SWT1: variants seen among roughly 807,000 people sequenced by gnomAD.
The protein encoded by SWT1 is transcriptional protein SWT1.
SWT1 carries 33 observed loss-of-function variants against 107.3 expected under a neutral mutation model. The observed-to-expected ratio is 0.31, with a 90% CI of 0.23 to 0.41. The LOEUF (loss-of-function observed/expected upper bound fraction) is 0.41, where lower values mean the gene tolerates loss of function less well. Ranked by LOEUF, SWT1 falls within the 10% of genes least tolerant of loss-of-function variation. The probability of loss-of-function intolerance (pLI) is 1.00; values close to 1 mark genes in which losing one functional copy is unlikely to be tolerated. For synonymous variants in SWT1, 345 were observed against 348.3 expected, an observed-to-expected ratio of 0.99 and a Z score of 0.11; for missense variants, 898 against 1,028.9, an observed-to-expected ratio of 0.87 and a Z score of 1.74.
intron 5 of SWT1, among the ~76,000 whole-genome samples, chr1:185,179,399 T>C (rs180805451): frequency 6.6e-6 from 1 of 152,376 alleles, no homozygotes; most frequent in East Asian, 1.9e-4. Flanking sequence ...GAGCTTCCTG[T>C]CACCTGTATG....
intron 18 of SWT1, among the ~76,000 whole-genome samples, chr1:185,290,082 G>A (rs552842344): frequency 1.8e-4 from 28 of 151,980 alleles, no homozygotes; most frequent in African/African-American, 6.5e-4. Context: ...GGGCAACATA[G>A]TGAGACCCTG....
intron 7 of SWT1, among the ~76,000 whole-genome samples, chr1:185,182,989 T>G (rs1185826385): frequency 6.6e-6 from 1 of 151,688 alleles, no homozygotes; most frequent in Admixed American, 6.6e-5. Context: ...TACGAAAAAT[T>G]AGCTGGGCAT....
chr1:185,263,910 C>T (rs1188152904), intron 16 of SWT1: 3 of 152,230 alleles, frequency 2.0e-5, no homozygotes, highest in Non-Finnish European at 4.4e-5. Context: ...GAGATAAGGG[C>T]TTCAACATAT....
chr1:185,157,674 CTT>C (rs917229629), intron 1 of SWT1: 1 of 152,482 alleles, frequency 6.6e-6, no homozygotes, highest in African/African-American at 2.4e-5. Context: ...CCCGAACACT[CTT>C]TTCCTTTGTT....
At chr1:185,245,729 C>T (rs1661558934) in intron 16 of SWT1, among the ~76,000 whole-genome samples, 1 of 151,702 alleles carries the variant, frequency 6.6e-6, no homozygotes, top group Admixed American at 6.6e-5. Context: ...TTTTTCGGCT[C>T]TAGTATAATT....
intron 18 of SWT1, among the ~76,000 whole-genome samples, chr1:185,280,109 GA>G (rs1338974630): frequency 1.3e-5 from 2 of 152,144 alleles, no homozygotes; most frequent in Admixed American, 1.3e-4. Flanking sequence ...GAAGGTAATT[GA>G]ATCATGAGAG....
At chr1:185,260,320 TG>T (rs751774045) in intron 16 of SWT1, among the ~76,000 whole-genome samples, 2 of 152,170 alleles carry the variant, frequency 1.3e-5, no homozygotes, top group Admixed American at 6.5e-5. Context: ...AGAGTACTCA[TG>T]CTTTTCTTTT....
intron 18 of SWT1, among the ~76,000 whole-genome samples, chr1:185,287,929 T>C (rs12135769): frequency 0.53 from 81,265 of 151,912 alleles, 23,141 homozygotes; most frequent in African/African-American, 0.75. Flanking sequence ...ATAGAGCTCA[T>C]TTCTTAATTA....
intron 13 of SWT1, among the ~76,000 whole-genome samples, chr1:185,208,146 T>C (rs906398035): frequency 2.0e-5 from 3 of 152,202 alleles, no homozygotes; most frequent in Non-Finnish European, 4.4e-5. Flanking sequence ...AGATGATTAA[T>C]CATGAATCAT....
rs1418339358 is a variant in SWT1 at position 185,174,907 on chromosome 1, A to G, written c.760A>G (p.Asn254Asp). The change falls in exon 5 of 19, where the codon AAC (asparagine) becomes GAC (aspartate). Residue 254 changes from asparagine (N) to aspartate (D), a missense_variant. This residue lies in a region of SWT1 where 382 missense variants were observed against 362.4 expected (regional missense o/e 1.05). Coordinates refer to ENST00000367500, the MANE Select transcript of SWT1 (RefSeq NM_017673.7). ...LQKLVEENVF[N>D]IDSNNSKTKQ... ...GAAACTTGTAGAAGAAAATGTCTTC[A>G]ACATAGATTCTAATAATTCGAAGAC... The G allele has an allele frequency of 1.2e-6, 2 of 1,614,024 alleles. No individual in the cohort carries two copies. The highest frequency in any genetic ancestry group is 2.2e-5 in the South Asian group (2 of 91,074).
intron 16 of SWT1, among the ~76,000 whole-genome samples, chr1:185,251,923 TC>T (rs1431284228): frequency 6.6e-6 from 1 of 151,998 alleles, no homozygotes; most frequent in Non-Finnish European, 1.5e-5. Context: ...TAGGTATATC[TC>T]CCAATGCTAT....
intron 2 of SWT1, among the ~76,000 whole-genome samples, chr1:185,163,275 C>G (rs1054858892): frequency 6.6e-6 from 1 of 151,972 alleles, no homozygotes; most frequent in Non-Finnish European, 1.5e-5. Flanking sequence ...TAATATTATT[C>G]TAAATCATTT....
At chr1:185,219,535 A>T (rs984061481) in intron 14 of SWT1, among the ~76,000 whole-genome samples, 4 of 152,188 alleles carry the variant, frequency 2.6e-5, no homozygotes, top group African/African-American at 9.6e-5. Context: ...TAATCATTTT[A>T]TCACAGGGAA....
intron 18 of SWT1, among the ~76,000 whole-genome samples, chr1:185,289,786 G>A (rs1022626923): frequency 1.3e-5 from 2 of 152,122 alleles, no homozygotes; most frequent in African/African-American, 2.4e-5. Context: ...CTGATATGTG[G>A]AATCTAAAAA....
At chr1:185,221,313 A>G (rs753471593) in intron 14 of SWT1, among the ~76,000 whole-genome samples, 1 of 152,096 alleles carries the variant, frequency 6.6e-6, no homozygotes, top group Non-Finnish European at 1.5e-5. Flanking sequence ...CTTTCTAACC[A>G]GTTTTCTTGC....
intron 16 of SWT1, among the ~76,000 whole-genome samples, chr1:185,238,734 G>A (rs74388468): frequency 6.6e-6 from 1 of 151,204 alleles, no homozygotes; most frequent in Admixed American, 6.6e-5. Flanking sequence ...TTTTAAACCG[G>A]GCAGATAATA....
chr1:185,166,494 C>A (rs934443796), intron 2 of SWT1, 78 bp from the exon 3 acceptor site: 2 of 846,814 alleles, frequency 2.4e-6, no homozygotes, highest in South Asian at 1.8e-5. Context: ...ATTTGTAATA[C>A]TAGTGATGAA....
chr1:185,260,422 A>G (rs1438661746), intron 16 of SWT1, among the ~76,000 whole-genome samples: 4 of 152,190 alleles, frequency 2.6e-5, no homozygotes, highest in Non-Finnish European at 5.9e-5. Flanking sequence ...GCAGAAGGAA[A>G]TGTTCATAAG....
Position 185,160,888 on chromosome 1 carries a change from A to C in SWT1, c.47A>C (p.Lys16Thr), listed in dbSNP as rs367644986. The C allele has an allele frequency of 5.0e-6, 8 of 1,613,412 alleles. No individual in the cohort carries two copies. The highest frequency in any genetic ancestry group is 5.9e-6 in the Non-Finnish European group (7 of 1,179,764). The change falls in exon 2 of 19, where the codon AAA becomes ACA. Residue 16 changes from lysine (K) to threonine (T), a missense_variant. By Grantham distance (78) the Lys-to-Thr change is moderately conservative. Transcript: ENST00000367500. ...SCGKKETSQR[K>T]DTTTSSPNFG... is the part of the protein sequence containing the mutation. ...GGGAAAAAAGAGACATCTCAGAGGAAAGACACCACCACCTCATCACCCAAT... is the reference window on the plus strand; with the variant it reads ...GGGAAAAAAGAGACATCTCAGAGGACAGACACCACCACCTCATCACCCAAT...
Sources: gnomAD v4.1 joint callset for allele counts (sites outside exome capture counted in the v4.1 genomes callset) on GRCh38, gnomAD v4.1.1 for gene constraint, gnomAD v4.1.1 regional missense constraint, MANE v1.5 for transcripts, NCBI Gene and HGNC (gene_info 2026-07-23, HGNC 2026-07-21) for gene names.